FHOD3: variants seen among roughly 807,000 people sequenced by gnomAD.
The protein encoded by FHOD3 is formin homology 2 domain containing 3, also known as FH1/FH2 domain-containing protein 3.
FHOD3 carries 90 observed loss-of-function variants against 173.0 expected under a neutral mutation model. The observed-to-expected ratio is 0.52, with a 90% CI of 0.44 to 0.62. The LOEUF (loss-of-function observed/expected upper bound fraction) is 0.62, where lower values mean the gene tolerates loss of function less well. Ranked by LOEUF, FHOD3 falls within the 20% of genes least tolerant of loss-of-function variation. The probability of loss-of-function intolerance (pLI) is 0.00; values close to 1 mark genes in which losing one functional copy is unlikely to be tolerated. For synonymous variants in FHOD3, 828 were observed against 823.0 expected (o/e 1.01, Z -0.10); for missense variants, 1,945 against 2,034.7 (o/e 0.96, Z 0.85).
chr18:36,491,118 T>C (rs1305223118), intron 3 of FHOD3, among the ~76,000 whole-genome samples: 5 of 152,168 alleles, frequency 3.3e-5, no homozygotes, highest in Non-Finnish European at 7.4e-5. Flanking sequence ...CGATGATTCA[T>C]GGCAGAAAAT....
intron 10 of FHOD3, among the ~76,000 whole-genome samples, chr18:36,636,779 C>T (rs1445519590): frequency 6.6e-6 from 1 of 151,692 alleles, no homozygotes; most frequent in Non-Finnish European, 1.5e-5. Flanking sequence ...GTATTTGTCT[C>T]CCAGGGGTCC....
Position 36,440,633 on chromosome 18 carries a change from TGAG to T in FHOD3, c.338-61297_338-61295del, listed in dbSNP as rs564427630. ...TGCTCCAGGACTCTGAAGATTATCT[TGAG>T]GCAGGAGTGGTGGAGGCCAAGCTTT... On this transcript the variant is annotated intron_variant, in intron 3 of 28. Transcript: ENST00000590592. 3.0e-4 allele frequency among the ~76,000 whole-genome samples: 46 copies of T among 152,330 alleles called. 1 individual carries two copies. The highest frequency in any genetic ancestry group is 9.4e-4 in the African/African-American group (39 of 41,578).
At chr18:36,679,538 TC>T in intron 14 of FHOD3, among the ~76,000 whole-genome samples, 1 of 152,282 alleles carries the variant, frequency 6.6e-6, no homozygotes, top group Non-Finnish European at 1.5e-5. Context: ...ACAATAAATT[TC>T]CTTCTAAATA....
At chr18:36,600,770 C>G (rs369381266) in intron 7 of FHOD3, among the ~76,000 whole-genome samples, 2 of 152,312 alleles carry the variant, frequency 1.3e-5, no homozygotes, top group East Asian at 1.9e-4. Context: ...CCTTTGCTCC[C>G]TGAGGACCTG....
rs1489658108 is a variant in FHOD3 at position 36,512,433 on chromosome 18, G to T, written c.406-5G>T. Reference sequence around the variant, plus strand: ...TTGAAGTATTTTTGTTTTCTTTCCTGCCAGGATGACAAGGATTTGGTGCAT... The same window carrying T: ...TTGAAGTATTTTTGTTTTCTTTCCTTCCAGGATGACAAGGATTTGGTGCAT... On this transcript the variant is annotated splice_polypyrimidine_tract_variant and splice_region_variant and intron_variant, in intron 4 of 28. Coordinates refer to ENST00000590592, the MANE Select transcript of FHOD3 (RefSeq NM_001281740.3). 3 of 1,611,888 alleles carry T rather than the reference G, an allele frequency of 1.9e-6. No individual in the cohort carries two copies. Among genetic ancestry groups the T allele is most frequent in the Non-Finnish European group, 2.5e-6 (3 of 1,178,274 alleles).
At position 36,768,202 on chromosome 18, in the gene FHOD3, T is replaced by C. The variant is rs948461532; in HGVS notation, c.4625-1063T>C. On this transcript the variant is annotated intron_variant, in intron 27 of 28. Coordinates refer to ENST00000590592, the MANE Select transcript of FHOD3 (RefSeq NM_001281740.3). ...TTGAGCATATTGTACATCTTTCCTC[T>C]TGTAGCAACGTATATTCACTATCGT... is the stretch of plus-strand genomic sequence containing the variant. Among the ~76,000 whole-genome samples, 3 of 152,352 alleles carry C rather than the reference T, an allele frequency of 2.0e-5. No individual in the cohort carries two copies. In the East Asian group the frequency reaches 5.8e-4, roughly 29 times the overall value.
intron 3 of FHOD3, among the ~76,000 whole-genome samples, chr18:36,465,517 C>T (rs1311532465): frequency 1.3e-5 from 2 of 152,084 alleles, no homozygotes; most frequent in African/African-American, 2.4e-5. Context: ...GGCAGTGCTG[C>T]CCACCCGCCC....
At chr18:36,318,950 C>G (rs948460439) in intron 1 of FHOD3, among the ~76,000 whole-genome samples, 1 of 152,034 alleles carries the variant, frequency 6.6e-6, no homozygotes, top group African/African-American at 2.4e-5. Context: ...TGAATTTTGT[C>G]GAAGGCCTTT....
rs151017406 is a variant in FHOD3, at chr18:36,524,019, A to C, written c.511+11476A>C. On this transcript the variant is annotated intron_variant, in intron 5 of 28. Coordinates refer to ENST00000590592, the MANE Select transcript of FHOD3 (RefSeq NM_001281740.3). Reference sequence around the variant, plus strand: ...TATTCGGCTGGACATGGTGGCTTACACCTGTAATCCCAGCACTTTGGGAGG... The same window carrying C: ...TATTCGGCTGGACATGGTGGCTTACCCCTGTAATCCCAGCACTTTGGGAGG... Among the ~76,000 whole-genome samples, 874 of 152,192 alleles carry C rather than the reference A, an allele frequency of 5.7e-3. 8 individuals are homozygous for C. Among genetic ancestry groups the C allele is most frequent in the African/African-American group, 0.019 (794 of 41,522 alleles).
At chr18:36,576,184 A>C (rs756226834) in intron 5 of FHOD3, among the ~76,000 whole-genome samples, 1 of 152,238 alleles carries the variant, frequency 6.6e-6, no homozygotes, top group African/African-American at 2.4e-5. Context: ...GCATTTATAC[A>C]TCAAGGCACA....
intron 3 of FHOD3, among the ~76,000 whole-genome samples, chr18:36,440,776 A>G (rs1003701325): frequency 3.3e-5 from 5 of 152,228 alleles, no homozygotes; most frequent in African/African-American, 1.2e-4. Flanking sequence ...GTCATTTTTA[A>G]ATGGCTCAGT....
At chr18:36,613,817 G>A (rs2032934569) in intron 9 of FHOD3, among the ~76,000 whole-genome samples, 1 of 152,134 alleles carries the variant, frequency 6.6e-6, no homozygotes, top group Non-Finnish European at 1.5e-5. Flanking sequence ...GGGATTACAA[G>A]TGTCCACCAT....
intron 6 of FHOD3, among the ~76,000 whole-genome samples, chr18:36,592,365 A>T (rs1323310227): frequency 6.6e-6 from 1 of 152,242 alleles, no homozygotes; most frequent in Non-Finnish European, 1.5e-5. Flanking sequence ...GGTGGCTTTC[A>T]GGCAGAAGGA....
chr18:36,609,473 C>A (rs2032436342), intron 8 of FHOD3, among the ~76,000 whole-genome samples: 1 of 152,112 alleles, frequency 6.6e-6, no homozygotes, highest in Non-Finnish European at 1.5e-5. Flanking sequence ...CCGCAGCCTG[C>A]ATAAAAGGTG....
chr18:36,681,436 G>T lies in FHOD3; in HGVS notation c.1836G>T (p.Arg612Ser). The T allele has an allele frequency of 6.2e-7, 1 of 1,613,666 alleles. No individual in the cohort carries two copies. The change falls in exon 15 of 29, where the codon AGG becomes AGT. Residue 612 changes from arginine to serine, a missense_variant and splice_region_variant. Around this residue, in one of 5 missense-constraint regions of FHOD3, gnomAD observed 1,099 missense variants for 1,051.2 expected, o/e 1.05. Transcript: ENST00000590592. Reference sequence around the variant, plus strand: ...AAACATTAACTCATTGTATCTCCAGGTCATCACCGAGTGGTCTTCTCACAT... The same window carrying T: ...AAACATTAACTCATTGTATCTCCAGTTCATCACCGAGTGGTCTTCTCACAT... ...VSPPQEARLE[R>S]SSPSGLLTSS...
chr18:36,453,327 G>A (rs1439875205), intron 3 of FHOD3, among the ~76,000 whole-genome samples: 1 of 152,204 alleles, frequency 6.6e-6, no homozygotes, highest in African/African-American at 2.4e-5. Context: ...CAACACTAAA[G>A]TGAACCAGGT....
At chr18:36,413,124 C>T (rs985488327) in intron 3 of FHOD3, among the ~76,000 whole-genome samples, 8 of 152,186 alleles carry the variant, frequency 5.3e-5, no homozygotes, top group African/African-American at 1.9e-4. Flanking sequence ...AGAAATTTGT[C>T]AGAAAGGTGG....
intron 3 of FHOD3, among the ~76,000 whole-genome samples, chr18:36,375,445 A>G (rs2047393721): frequency 6.6e-6 from 1 of 152,222 alleles, no homozygotes; most frequent in African/African-American, 2.4e-5. Flanking sequence ...ATCCAGGACC[A>G]GGGTTTGTCT....
At chr18:36,389,056 G>A (rs762163602) in intron 3 of FHOD3, among the ~76,000 whole-genome samples, 1 of 152,186 alleles carries the variant, frequency 6.6e-6, no homozygotes, top group Non-Finnish European at 1.5e-5. Flanking sequence ...CAACGTTCCT[G>A]CACGACGGGT....
Sources: allele counts gnomAD v4.1 joint callset (sites outside exome capture counted in the v4.1 genomes callset), GRCh38; gene constraint gnomAD v4.1.1; regional missense constraint gnomAD v4.1.1; transcripts MANE v1.5; gene names NCBI Gene and HGNC (gene_info 2026-07-23, HGNC 2026-07-21).